SYNE2: variants seen among roughly 807,000 people sequenced by gnomAD.
SYNE2 encodes spectrin repeat containing nuclear envelope protein 2.
A neutral mutation model predicts 856.3 loss-of-function variants in SYNE2; 431 were observed. That is an observed-to-expected ratio of 0.50 (90% CI 0.47 to 0.55). The LOEUF is 0.55. Among genes scored for constraint, SYNE2 ranks in the 20% least tolerant of loss-of-function variants. SYNE2 has a pLI of 0.00. For missense variants in SYNE2, 8,129 were observed against 8,023.2 expected (o/e 1.01, Z -0.50); for synonymous variants, 2,923 against 2,872.3 (o/e 1.02, Z -0.56).
chr14:63,979,677 C>A (rs2096570999), intron 14 of SYNE2, among the ~76,000 whole-genome samples: 1 of 152,216 alleles, frequency 6.6e-6, no homozygotes, highest in Admixed American at 6.5e-5. Flanking sequence ...CATTGGGAGG[C>A]CAAGGCAGGT....
chr14:63,766,811 A>C (rs1236591612), intron 1 of SYNE2, among the ~76,000 whole-genome samples: 1 of 152,114 alleles, frequency 6.6e-6, no homozygotes, highest in African/African-American at 2.4e-5. Context: ...AAGGCCTTAG[A>C]TCTCCTTCTT....
intron 1 of SYNE2, among the ~76,000 whole-genome samples, chr14:63,799,339 A>T (rs1165340645): frequency 6.6e-6 from 1 of 152,042 alleles, no homozygotes; most frequent in Admixed American, 6.5e-5. Context: ...TAAGTCTCTC[A>T]AAGTGCTGGG....
chr14:64,168,169 T>A (rs918840530), intron 92 of SYNE2, among the ~76,000 whole-genome samples: 2 of 152,156 alleles, frequency 1.3e-5, no homozygotes, highest in Non-Finnish European at 2.9e-5. Flanking sequence ...AGTGGCGCAA[T>A]CTCGGCTCAC....
intron 22 of SYNE2, among the ~76,000 whole-genome samples, chr14:63,994,237 C>T (rs1294769169): frequency 6.6e-6 from 1 of 152,130 alleles, no homozygotes; most frequent in South Asian, 2.1e-4. Flanking sequence ...GGTAACACCA[C>T]CTACTGGGCA....
chr14:64,061,369 G>A (rs1044462445), intron 49 of SYNE2, among the ~76,000 whole-genome samples: 5 of 152,212 alleles, frequency 3.3e-5, no homozygotes, highest in African/African-American at 1.2e-4. Flanking sequence ...ATTTTTAAGT[G>A]TAATAACTTC....
At chr14:63,872,279 A>G (rs1310561672) in intron 1 of SYNE2, among the ~76,000 whole-genome samples, 1 of 152,030 alleles carries the variant, frequency 6.6e-6, no homozygotes, top group African/African-American at 2.4e-5. Context: ...AAATAAAAAA[A>G]ATTAGCCAGG....
Position 64,226,186 on chromosome 14 carries a change from T to A in SYNE2, c.*660T>A, listed in dbSNP as rs2098717488. The stretch of plus-strand genomic sequence containing the variant: ...TGAATAATGTAAACTTCGATTTTTT[T>A]TTAAAAAAATTAGATTTTAGCTGGA... On this transcript the variant is annotated 3_prime_UTR_variant, in exon 116 of 116. Transcript: ENST00000555002. 6.5e-6 allele frequency: 1 copy of A among 152,718 alleles called. No individual in the cohort carries two copies. The highest frequency in any genetic ancestry group is 1.5e-5 in the Non-Finnish European group (1 of 68,110). 9.5% of individuals were successfully genotyped at this position (152,718 alleles called of 1,614,324 possible).
chr14:63,807,982 G>C (rs1888445532), intron 1 of SYNE2, among the ~76,000 whole-genome samples: 1 of 148,342 alleles, frequency 6.7e-6, no homozygotes, highest in Non-Finnish European at 1.5e-5. Flanking sequence ...CCAGTGTGTA[G>C]TTTTATTATC....
chr14:64,032,114 A>G (rs1168205472), intron 45 of SYNE2, among the ~76,000 whole-genome samples: 1 of 152,208 alleles, frequency 6.6e-6, no homozygotes, highest in African/African-American at 2.4e-5. Flanking sequence ...CAACAGGAAT[A>G]AAGAGAACAT....
intron 6 of SYNE2, among the ~76,000 whole-genome samples, chr14:63,945,406 T>C (rs1210134393): frequency 1.3e-5 from 2 of 152,218 alleles, no homozygotes; most frequent in African/African-American, 4.8e-5. Context: ...AAATGTCTTC[T>C]CTTATGTACA....
At position 64,203,035 on chromosome 14, in the gene SYNE2, T is replaced by A. The variant is rs965337507; in HGVS notation, c.18201+72T>A. The A allele has an allele frequency of 5.1e-6, 8 of 1,575,796 alleles. No homozygotes were observed. The Admixed American group carries it at 8.7e-5, about 17-fold the overall frequency. ...TATGCACTGACTGAGGCCTTCCCCGTATATCTATGTGTTTTCACGTGCTCA... is the reference window on the plus strand; with the variant it reads ...TATGCACTGACTGAGGCCTTCCCCGAATATCTATGTGTTTTCACGTGCTCA... On this transcript the variant is annotated intron_variant, in intron 100 of 115. Coordinates refer to ENST00000555002, the MANE Select transcript of SYNE2 (RefSeq NM_182914.3).
At chr14:63,765,268 G>C (rs545993522) in intron 1 of SYNE2, among the ~76,000 whole-genome samples, 1 of 152,306 alleles carries the variant, frequency 6.6e-6, no homozygotes, top group African/African-American at 2.4e-5. Context: ...AAAACAAGTA[G>C]CTAGAGAAGA....
intron 61 of SYNE2, among the ~76,000 whole-genome samples, chr14:64,095,399 G>C (rs886995978): frequency 1.3e-5 from 2 of 152,120 alleles, no homozygotes; most frequent in Admixed American, 1.3e-4. Context: ...TTTGTACTTC[G>C]AATGGATCTT....
rs113491299 is a variant in SYNE2 at position 64,161,503 on chromosome 14, A to G, written c.16095-569A>G. ...ATACAAAGTTAAAACCTGTTTAAAG[A>G]TAGCATATCTCTATAAACTGGGAGC... is the stretch of plus-strand genomic sequence containing the variant. On this transcript the variant is annotated intron_variant, in intron 87 of 115. Transcript: ENST00000555002. Among the ~76,000 whole-genome samples, 15 of 152,344 alleles carry G rather than the reference A, an allele frequency of 9.8e-5. 1 individual carries two copies. The highest frequency in any genetic ancestry group is 3.1e-4 in the African/African-American group (13 of 41,580).
intron 50 of SYNE2, among the ~76,000 whole-genome samples, chr14:64,064,178 A>G (rs1375551450): frequency 6.6e-6 from 1 of 152,246 alleles, no homozygotes; most frequent in Non-Finnish European, 1.5e-5. Flanking sequence ...TGATATAGCC[A>G]TGGTGAGGTA....
chr14:63,889,868 C>T (rs1047304771), intron 1 of SYNE2, among the ~76,000 whole-genome samples: 1 of 151,982 alleles, frequency 6.6e-6, no homozygotes. Flanking sequence ...CATTTTTATG[C>T]TGTGGTTTGA....
In SYNE2 at chr14:64,186,580, G is replaced by T; in HGVS notation, c.17712+1G>T. 1 of 1,614,158 alleles carries T rather than the reference G, an allele frequency of 6.2e-7. No individual in the cohort carries two copies. Among genetic ancestry groups the T allele is most frequent in the Non-Finnish European group, 8.5e-7 (1 of 1,180,016 alleles). ...ACAATGGGAGGACCTCTGCTTAAGGGTAAGTCAGCTCACTGCAGGGCACGG... is the reference window on the plus strand; with the variant it reads ...ACAATGGGAGGACCTCTGCTTAAGGTTAAGTCAGCTCACTGCAGGGCACGG... On this transcript the variant is annotated splice_donor_variant, in intron 97 of 115. Transcript: ENST00000555002. LOFTEE classifies it high-confidence loss of function.
intron 21 of SYNE2, among the ~76,000 whole-genome samples, chr14:63,992,467 A>G (rs1198210552): frequency 6.6e-6 from 1 of 152,008 alleles, no homozygotes; most frequent in Non-Finnish European, 1.5e-5. Context: ...TTTTATAGAG[A>G]AAGGGTCTCA....
chr14:64,043,337 A>G (rs1395013826), intron 45 of SYNE2, among the ~76,000 whole-genome samples: 1 of 152,240 alleles, frequency 6.6e-6, no homozygotes, highest in Non-Finnish European at 1.5e-5. Flanking sequence ...AATACGATAG[A>G]AAAGAAAAAC....
Sources: gnomAD v4.1 joint callset for allele counts (sites outside exome capture counted in the v4.1 genomes callset) on GRCh38, gnomAD v4.1.1 for gene constraint, MANE v1.5 for transcripts, NCBI Gene and HGNC (gene_info 2026-07-23, HGNC 2026-07-21) for gene names.